Variants in PARVA observed in about 807,000 individuals in gnomAD.
The protein encoded by PARVA is alpha-parvin.
In PARVA, 25 loss-of-function variants were observed where a neutral mutation model predicts 52.6. The ratio of observed to expected loss-of-function variants is 0.48; its 90% CI spans 0.35 to 0.66. The LOEUF is 0.66. Ranked by LOEUF, PARVA falls within the 30% of genes least tolerant of loss-of-function variation. The pLI is 0.01. For missense variants in PARVA, 373 were observed against 450.9 expected (o/e 0.83, Z 1.56); for synonymous variants, 185 against 179.1 (o/e 1.03, Z -0.26).
At chr11:12,393,575 C>T (rs930362053) in intron 1 of PARVA, among the ~76,000 whole-genome samples, 2 of 152,106 alleles carry the variant, frequency 1.3e-5, no homozygotes, top group Admixed American at 6.5e-5. Context: ...TTTTTCAAAT[C>T]CTCATCACTC....
Position 12,377,670 on chromosome 11 carries a change from C to A in PARVA, c.23C>A (p.Ser8Ter), listed in dbSNP as rs12791954. The change falls in exon 1 of 13, where the codon TCG becomes TAG. Residue 8 changes from serine to a stop codon, truncating the protein, a stop_gained. Coordinates refer to ENST00000334956, the MANE Select transcript of PARVA (RefSeq NM_018222.5). LOFTEE classifies it high-confidence loss of function. ...GCCATGGCCACCTCCCCGCAGAAGT[C>A]GCCTTCTGTCCCCAAGTCTCCCACT... MATSPQK[S>*]PSVPKSPTPK... 6.4e-7 allele frequency: 1 copy of A among 1,569,796 alleles called. No homozygotes were observed. Among genetic ancestry groups the A allele is most frequent in the Non-Finnish European group, 8.6e-7 (1 of 1,162,834 alleles).
At chr11:12,433,095 G>A (rs10831817) in intron 1 of PARVA, among the ~76,000 whole-genome samples, 35,968 of 152,110 alleles carry the variant, frequency 0.24, 4,778 homozygotes, top group Admixed American at 0.31. Flanking sequence ...AAATACACCC[G>A]AACCTCTAGG....
intron 4 of PARVA, among the ~76,000 whole-genome samples, chr11:12,486,259 C>T (rs989698853): frequency 7.9e-5 from 12 of 152,116 alleles, no homozygotes; most frequent in Admixed American, 3.9e-4. Context: ...AAGGGCTGGG[C>T]GCCGTGGCTC....
chr11:12,409,491 G>C (rs1039715045), intron 1 of PARVA, among the ~76,000 whole-genome samples: 1 of 152,166 alleles, frequency 6.6e-6, no homozygotes, highest in Admixed American at 6.5e-5. Context: ...GAGTTATCCA[G>C]GTGCACCGAA....
At chr11:12,398,853 G>T (rs1436903315) in intron 1 of PARVA, among the ~76,000 whole-genome samples, 1 of 152,130 alleles carries the variant, frequency 6.6e-6, no homozygotes, top group Non-Finnish European at 1.5e-5. Flanking sequence ...GGAAGATATG[G>T]TCTGACTGTG....
Position 12,414,271 on chromosome 11 carries a change from C to A in PARVA, c.136+36488C>A, listed in dbSNP as rs151118342. Among the ~76,000 whole-genome samples, 134 of 152,218 alleles carry A rather than the reference C, an allele frequency of 8.8e-4. 6 individuals carry two copies. In the East Asian group the frequency reaches 0.021, roughly 23 times the overall value. ...TAAAACAAAAAGAGCTAGAGATGCCCGTTAGGAGTTTACATTTTACAACAG... is the reference window on the plus strand; with the variant it reads ...TAAAACAAAAAGAGCTAGAGATGCCAGTTAGGAGTTTACATTTTACAACAG... On this transcript the variant is annotated intron_variant, in intron 1 of 12. Coordinates refer to ENST00000334956, the MANE Select transcript of PARVA (RefSeq NM_018222.5).
intron 1 of PARVA, among the ~76,000 whole-genome samples, chr11:12,379,391 T>C (rs1252890582): frequency 1.3e-5 from 2 of 152,220 alleles, no homozygotes; most frequent in Non-Finnish European, 2.9e-5. Flanking sequence ...ACAAAATCAC[T>C]GTACTTGGGA....
intron 1 of PARVA, among the ~76,000 whole-genome samples, chr11:12,464,280 A>G (rs1940825556): frequency 6.6e-6 from 1 of 152,194 alleles, no homozygotes; most frequent in African/African-American, 2.4e-5. Flanking sequence ...GTTAAACATA[A>G]GTTTTTACTG....
chr11:12,525,263 A>G (rs182851937), intron 12 of PARVA, among the ~76,000 whole-genome samples: 7 of 152,314 alleles, frequency 4.6e-5, no homozygotes, highest in African/African-American at 1.7e-4. Flanking sequence ...CACAGCTCCA[A>G]GAGGCCCTGT....
At chr11:12,411,172 C>A (rs1589947332) in intron 1 of PARVA, among the ~76,000 whole-genome samples, 1 of 152,154 alleles carries the variant, frequency 6.6e-6, no homozygotes, top group Non-Finnish European at 1.5e-5. Flanking sequence ...TTTGGATGAA[C>A]AAAGGATTTT....
intron 4 of PARVA, chr11:12,480,255 A>G (rs936355985): frequency 6.6e-6 from 1 of 151,768 alleles, no homozygotes; most frequent in Non-Finnish European, 1.5e-5. Flanking sequence ...TATTGAATGA[A>G]TGAATGGCTA....
intron 12 of PARVA, among the ~76,000 whole-genome samples, chr11:12,521,781 G>A (rs1360023004): frequency 6.6e-6 from 1 of 152,176 alleles, no homozygotes; most frequent in Non-Finnish European, 1.5e-5. Flanking sequence ...ACCATTGCTG[G>A]CTTTGGGGAT....
At chr11:12,411,611 A>G (rs1939993905) in intron 1 of PARVA, among the ~76,000 whole-genome samples, 1 of 152,132 alleles carries the variant, frequency 6.6e-6, no homozygotes, top group Non-Finnish European at 1.5e-5. Flanking sequence ...TTTTAGGAGT[A>G]CTGGTCAGGT....
chr11:12,495,640 G>T (rs910439666), intron 4 of PARVA, among the ~76,000 whole-genome samples: 1 of 135,068 alleles, frequency 7.4e-6, no homozygotes, highest in Non-Finnish European at 1.6e-5. Flanking sequence ...AAGTATTAAG[G>T]TGTTATGTCA....
chr11:12,461,029 C>G (rs181469106), intron 1 of PARVA, among the ~76,000 whole-genome samples: 19 of 152,164 alleles, frequency 1.2e-4, no homozygotes, highest in Admixed American at 7.9e-4. Flanking sequence ...AGCGTCCCCC[C>G]CTCTCACATT....
At chr11:12,389,345 T>A (rs961400368) in intron 1 of PARVA, among the ~76,000 whole-genome samples, 3 of 152,144 alleles carry the variant, frequency 2.0e-5, no homozygotes, top group Non-Finnish European at 4.4e-5. Context: ...TCCTTGAAGC[T>A]GTCTGAGAAG....
intron 12 of PARVA, among the ~76,000 whole-genome samples, chr11:12,524,103 C>T (rs541600045): frequency 6.6e-6 from 1 of 152,338 alleles, no homozygotes; most frequent in Non-Finnish European, 1.5e-5. Flanking sequence ...ACTCAGTTTT[C>T]CAAGGAGCAG....
At chr11:12,392,827 C>T (rs1296396238) in intron 1 of PARVA, among the ~76,000 whole-genome samples, 1 of 152,008 alleles carries the variant, frequency 6.6e-6, no homozygotes, top group Non-Finnish European at 1.5e-5. Flanking sequence ...TGACTGTTAA[C>T]CCCGAAAGGT....
chr11:12,424,796 A>G (rs948244086), intron 1 of PARVA, among the ~76,000 whole-genome samples: 2 of 152,222 alleles, frequency 1.3e-5, no homozygotes, highest in Non-Finnish European at 2.9e-5. Flanking sequence ...AATGTTATTG[A>G]TGGCCTCAGC....
Sources: gnomAD v4.1 joint callset for allele counts (sites outside exome capture counted in the v4.1 genomes callset) on GRCh38, gnomAD v4.1.1 for gene constraint, MANE v1.5 for transcripts, NCBI Gene and HGNC (gene_info 2026-07-23, HGNC 2026-07-21) for gene names.